Variants in RASSF2 observed in about 807,000 individuals in gnomAD.
RASSF2 encodes the protein ras association domain-containing protein 2.
In RASSF2, 34 loss-of-function variants were observed where a neutral mutation model predicts 46.3. The ratio of observed to expected loss-of-function variants is 0.73; its 90% CI spans 0.56 to 0.98. RASSF2 has a LOEUF of 0.98. Among genes scored for constraint, RASSF2 ranks in the 50% least tolerant of loss-of-function variants. RASSF2 has a pLI of 0.00. For missense variants in RASSF2, 364 were observed against 431.2 expected, an observed-to-expected ratio of 0.84 and a Z score of 1.38; for synonymous variants, 158 against 162.5, an observed-to-expected ratio of 0.97 and a Z score of 0.21.
chr20:4,785,314 G>C (rs1046866429), intron 11 of RASSF2, among the ~76,000 whole-genome samples: 2 of 152,134 alleles, frequency 1.3e-5, no homozygotes, highest in Non-Finnish European at 2.9e-5. Flanking sequence ...ACTCCAGCCT[G>C]AGCAACAGAG....
Position 4,787,648 on chromosome 20 carries a change from C to G in RASSF2, c.798G>C (p.Glu266Asp). The G allele has an allele frequency of 2.5e-6, 4 of 1,614,170 alleles. No homozygotes were observed. The highest frequency in any genetic ancestry group is 3.4e-6 in the Non-Finnish European group (4 of 1,180,020). The change falls in exon 10 of 12, where the codon GAG becomes GAC. Residue 266 changes from glutamate to aspartate, a missense_variant. By Grantham distance (45) the Glu-to-Asp change is conservative. Transcript: ENST00000379400. ...KVFLMEKDQV[E>D]EVTYDVAQYI... ...GGGAACTCACGTCGTAGGTGACTTC[C>G]TCCACCTGGTCCTTCTCCATTAGGA...
chr20:4,795,606 A>G lies in RASSF2; in HGVS notation c.287+209T>C. On this transcript the variant is annotated intron_variant, in intron 5 of 11. Coordinates refer to ENST00000379400, the MANE Select transcript of RASSF2 (RefSeq NM_014737.3). This position sits in a 1 kb window ranked among gnomAD's most constrained non-coding sequence, Gnocchi z 4.0. ...GCAGCTCCCCTCCTGTGACCTCATC[A>G]GTGATTGCAGTGACAGGAAGGGGGC... 2.0e-6 allele frequency: 1 copy of G among 508,754 alleles called. No individual in the cohort carries two copies. Among genetic ancestry groups the G allele is most frequent in the Non-Finnish European group, 3.4e-6 (1 of 293,456 alleles). 31.5% of individuals were successfully genotyped at this position (508,754 alleles called of 1,614,324 possible). A position where few individuals can be genotyped will look rare whatever the true frequency, so the allele number is the denominator to read the frequency against.
intron 5 of RASSF2, 148 bp from the exon 6 acceptor site, chr20:4,792,775 G>A (rs1032260459): frequency 7.0e-7 from 1 of 1,434,018 alleles, no homozygotes; most frequent in Admixed American, 2.8e-5. Context: ...GATGAAGGGT[G>A]CAGATGGGCT....
chr20:4,794,444 C>T (rs1926166189), intron 5 of RASSF2, among the ~76,000 whole-genome samples: 1 of 152,054 alleles, frequency 6.6e-6, no homozygotes, highest in Admixed American at 6.5e-5. Context: ...TGGTGGGCAC[C>T]TGTAATCCCA....
rs369152893 is a variant in RASSF2, at chr20:4,801,011, G to A, written c.20C>T (p.Thr7Met). The A allele has an allele frequency of 2.1e-5, 34 of 1,613,888 alleles. No homozygotes were observed. The East Asian group carries it at 2.5e-4, about 12-fold the overall frequency. MDYSHQ[T>M]SLVPCGQDKY... ...ATCTTGTCCACATGGGACTAGGGAC[G>A]TTTGGTGGCTGTAGTCCATTCTTCC... Residue 7 changes from threonine to methionine, a missense_variant, in exon 3 of 12, where the codon ACG becomes ATG. Physicochemically the swap from Thr to Met is moderately conservative, Grantham distance 81 (BLOSUM62 -1). Coordinates refer to ENST00000379400, the MANE Select transcript of RASSF2 (RefSeq NM_014737.3).
rs1374579592 is a variant in RASSF2 at position 4,783,407 on chromosome 20, G to A, written c.*866C>T. On this transcript the variant is annotated 3_prime_UTR_variant, in exon 12 of 12. Transcript: ENST00000379400. ...CACCAGCGAGATCTTTGTTTCTTGA[G>A]ACATTTCCTTCCACTCAAGGAAGCG... 3 of 152,386 alleles carry A rather than the reference G, an allele frequency of 2.0e-5. No homozygotes were observed. Among genetic ancestry groups the A allele is most frequent in the Admixed American group, 6.5e-5 (1 of 15,288 alleles). 9.4% of individuals were successfully genotyped at this position (152,386 alleles called of 1,614,324 possible).
At position 4,783,303 on chromosome 20, in the gene RASSF2, A is replaced by G. The variant is rs945570653; in HGVS notation, c.*970T>C. 1.3e-5 allele frequency: 2 copies of G among 152,296 alleles called. No individual in the cohort carries two copies. Among genetic ancestry groups the G allele is most frequent in the African/African-American group, 4.8e-5 (2 of 41,464 alleles). 9.4% of individuals were successfully genotyped at this position (152,296 alleles called of 1,614,324 possible). ...CCTGTCATATCTGCAGGTAGCCTCG[A>G]CATTTCCCTTCAACCTGAAACTTCC... On this transcript the variant is annotated 3_prime_UTR_variant, in exon 12 of 12. Coordinates refer to ENST00000379400, the MANE Select transcript of RASSF2 (RefSeq NM_014737.3).
At chr20:4,804,309 G>C (rs1327843587) in intron 2 of RASSF2, among the ~76,000 whole-genome samples, 2 of 147,524 alleles carry the variant, frequency 1.4e-5, no homozygotes, top group African/African-American at 5.0e-5. Flanking sequence ...CACATGTAAC[G>C]CGCAAAAAGA....
At chr20:4,794,158 C>T (rs1272145776) in intron 5 of RASSF2, among the ~76,000 whole-genome samples, 1 of 152,142 alleles carries the variant, frequency 6.6e-6, no homozygotes, top group East Asian at 1.9e-4. Flanking sequence ...GGCATGGTGG[C>T]TCACACCTGT....
chr20:4,788,350 G>A (rs980725988), intron 8 of RASSF2, 82 bp from the exon 9 acceptor site: 2 of 1,306,906 alleles, frequency 1.5e-6, no homozygotes, highest in African/African-American at 2.9e-5. Flanking sequence ...CTTTAGCAAT[G>A]CAAAGCTAAG....
chr20:4,798,004 C>A lies in RASSF2; in HGVS notation c.135+6G>T. On this transcript the variant is annotated splice_donor_region_variant and intron_variant, in intron 4 of 11. Coordinates refer to ENST00000379400, the MANE Select transcript of RASSF2 (RefSeq NM_014737.3). ...CCAATCAGGGCCGTCCCTGGGGACT[C>A]CTTACCTCCCGGTGCCGGAGCTGTA... is the stretch of plus-strand genomic sequence containing the variant. 18 of 1,613,682 alleles carry A rather than the reference C, an allele frequency of 1.1e-5. No individual in the cohort carries two copies. Among genetic ancestry groups the A allele is most frequent in the Non-Finnish European group, 1.4e-5 (17 of 1,179,860 alleles).
At chr20:4,794,565 G>T (rs1320408606) in intron 5 of RASSF2, among the ~76,000 whole-genome samples, 1 of 151,612 alleles carries the variant, frequency 6.6e-6, no homozygotes, top group Non-Finnish European at 1.5e-5. Flanking sequence ...AAAAAAGGTC[G>T]GGGTGGGGCG....
chr20:4,792,477 T>A, intron 6 of RASSF2, 62 bp downstream of exon 6: 1 of 1,605,492 alleles, frequency 6.2e-7, no homozygotes, highest in African/African-American at 1.3e-5. Context: ...GTTTACAACA[T>A]CTATCACAGC....
chr20:4,784,419 T>C, intron 11 of RASSF2, 77 bp from the exon 12 acceptor site: 1 of 1,397,538 alleles, frequency 7.2e-7, no homozygotes, highest in South Asian at 1.2e-5. Flanking sequence ...GCCACCTGGG[T>C]AACACCAAGG....
At chr20:4,799,753 T>C (rs1168130408) in intron 3 of RASSF2, among the ~76,000 whole-genome samples, 2 of 152,206 alleles carry the variant, frequency 1.3e-5, no homozygotes, top group African/African-American at 4.8e-5. Context: ...TCACAAAACA[T>C]GTGTCAAGTG....
Position 4,795,591 on chromosome 20 carries a change from T to A in RASSF2, c.287+224A>T, listed in dbSNP as rs1926269241. On this transcript the variant is annotated intron_variant, in intron 5 of 11. Transcript: ENST00000379400. The surrounding 1 kb of genome is among the most constrained non-coding windows in gnomAD (Gnocchi z 4.0). ...CCCTCGTATGACTCAGCAGCTCCCC[T>A]CCTGTGACCTCATCAGTGATTGCAG... The A allele has an allele frequency of 4.4e-6, 2 of 451,032 alleles. No individual in the cohort carries two copies. Among genetic ancestry groups the A allele is most frequent in the African/African-American group, 4.1e-5 (2 of 48,754 alleles). 27.9% of individuals were successfully genotyped at this position (451,032 alleles called of 1,614,324 possible).
At chr20:4,813,168 C>T (rs1422706226) in intron 2 of RASSF2, among the ~76,000 whole-genome samples, 5 of 152,158 alleles carry the variant, frequency 3.3e-5, no homozygotes, top group East Asian at 1.9e-4. Context: ...AGAAAAACCC[C>T]GATGCTTGGT....
chr20:4,795,629 G>T lies in RASSF2; in HGVS notation c.287+186C>A. On this transcript the variant is annotated intron_variant, in intron 5 of 11. Coordinates refer to ENST00000379400, the MANE Select transcript of RASSF2 (RefSeq NM_014737.3). This position sits in a 1 kb window ranked among gnomAD's most constrained non-coding sequence, Gnocchi z 4.0. Reference sequence around the variant, plus strand: ...TCAGTGATTGCAGTGACAGGAAGGGGGCTCAATCACAACCACATCTGCTGC... The same window carrying T: ...TCAGTGATTGCAGTGACAGGAAGGGTGCTCAATCACAACCACATCTGCTGC... 1.7e-6 allele frequency: 1 copy of T among 601,246 alleles called. No homozygotes were observed. The highest frequency in any genetic ancestry group is 2.7e-6 in the Non-Finnish European group (1 of 364,692). The allele number at this position is 601,246 out of a possible 1,614,324, so 37.2% of individuals were successfully genotyped here.
At chr20:4,792,938 C>T (rs949167602) in intron 5 of RASSF2, 2 of 387,180 alleles carry the variant, frequency 5.2e-6, no homozygotes, top group South Asian at 3.1e-5. Context: ...TACCAAGGAA[C>T]AAAACCCACG....
Sources: allele counts gnomAD v4.1 joint callset (sites outside exome capture counted in the v4.1 genomes callset), GRCh38; gene constraint gnomAD v4.1.1; non-coding constraint Gnocchi (gnomAD v3.1); transcripts MANE v1.5; gene names NCBI Gene and HGNC (gene_info 2026-07-23, HGNC 2026-07-21).